HERPUD2: variants seen among roughly 807,000 people sequenced by gnomAD.
HERPUD2 encodes the protein homocysteine-responsive endoplasmic reticulum-resident ubiquitin-like domain member 2 protein.
HERPUD2 carries 13 observed loss-of-function variants against 49.9 expected under a neutral mutation model. The observed-to-expected ratio is 0.26, with a 90% CI of 0.17 to 0.41. The LOEUF (loss-of-function observed/expected upper bound fraction) is 0.41, where lower values mean the gene tolerates loss of function less well. Ranked by LOEUF, HERPUD2 falls within the 10% of genes least tolerant of loss-of-function variation. The pLI is 1.00. For missense variants in HERPUD2, 449 were observed against 492.2 expected (o/e 0.91, Z 0.83); for synonymous variants, 172 against 171.4 (o/e 1.00, Z -0.03).
At chr7:35,653,215 AAAGT>A (rs1450557663) in intron 5 of HERPUD2, among the ~76,000 whole-genome samples, 2 of 152,230 alleles carry the variant, frequency 1.3e-5, no homozygotes, top group African/African-American at 2.4e-5. Context: ...GCACAGACTG[AAAGT>A]AAGGGATGGA....
chr7:35,639,421 A>G (rs1363491799), intron 5 of HERPUD2, among the ~76,000 whole-genome samples: 3 of 152,212 alleles, frequency 2.0e-5, no homozygotes, highest in Non-Finnish European at 4.4e-5. Context: ...GGATCTAATA[A>G]TAGAATCTTC....
At chr7:35,653,373 T>C (rs1251535864) in intron 5 of HERPUD2, among the ~76,000 whole-genome samples, 1 of 152,074 alleles carries the variant, frequency 6.6e-6, no homozygotes, top group Non-Finnish European at 1.5e-5. Flanking sequence ...CAAAAAGATA[T>C]AACAATTCTA....
At chr7:35,684,732 T>C (rs1167988931) in intron 2 of HERPUD2, among the ~76,000 whole-genome samples, 3 of 152,078 alleles carry the variant, frequency 2.0e-5, no homozygotes, top group Admixed American at 6.5e-5. Flanking sequence ...CGATGGACTT[T>C]GGGACTCAGC....
intron 2 of HERPUD2, among the ~76,000 whole-genome samples, chr7:35,681,801 A>G (rs1583567937): frequency 6.6e-6 from 1 of 151,532 alleles, no homozygotes; most frequent in East Asian, 1.9e-4. Context: ...CAGAAAGTAG[A>G]AAAAAAAAGA....
chr7:35,676,361 A>G (rs1785762077), intron 2 of HERPUD2, among the ~76,000 whole-genome samples: 1 of 152,222 alleles, frequency 6.6e-6, no homozygotes, highest in South Asian at 2.1e-4. Context: ...TTTGTATGAC[A>G]AGAGGACTTT....
intron 2 of HERPUD2, among the ~76,000 whole-genome samples, chr7:35,675,185 C>T (rs1268972459): frequency 6.6e-6 from 1 of 152,182 alleles, no homozygotes; most frequent in East Asian, 1.9e-4. Context: ...CTGATGTCCT[C>T]TGGAGAATTA....
chr7:35,682,619 C>T (rs144821485), intron 2 of HERPUD2, among the ~76,000 whole-genome samples: 2,071 of 151,494 alleles, frequency 0.014, 49 homozygotes, highest in African/African-American at 0.046. Context: ...AAGAGGAAGT[C>T]GAACTGTCGC....
intron 2 of HERPUD2, among the ~76,000 whole-genome samples, chr7:35,685,413 T>C (rs537138885): frequency 6.7e-6 from 1 of 148,892 alleles, no homozygotes; most frequent in East Asian, 2.0e-4. Context: ...AACCTCCGCC[T>C]CCCAGGCTTA....
In HERPUD2 at chr7:35,687,896, G is replaced by A. The variant is rs140262593; in HGVS notation, c.147+6288C>T. Among the ~76,000 whole-genome samples, 31 of 152,230 alleles carry A rather than the reference G, an allele frequency of 2.0e-4. No individual in the cohort carries two copies. The East Asian group carries it at 5.8e-3, about 28-fold the overall frequency. The stretch of plus-strand genomic sequence containing the variant: ...ATTTTTTATGTCAAGGATTAAATGG[G>A]TCTTTCAATTATGTATGGCTTAAAA... On this transcript the variant is annotated intron_variant, in intron 2 of 8. Transcript: ENST00000311350.
intron 2 of HERPUD2, among the ~76,000 whole-genome samples, chr7:35,682,395 G>A (rs1400908915): frequency 7.8e-5 from 9 of 114,748 alleles, no homozygotes; most frequent in Non-Finnish European, 1.5e-4. Context: ...ATACTTAATC[G>A]GCATACAAGG....
intron 2 of HERPUD2, among the ~76,000 whole-genome samples, chr7:35,685,789 C>T (rs1350931791): frequency 6.6e-6 from 1 of 151,878 alleles, no homozygotes; most frequent in South Asian, 2.1e-4. Context: ...ACCAGTCTGG[C>T]CAACATGGTG....
intron 5 of HERPUD2, among the ~76,000 whole-genome samples, chr7:35,657,858 C>T (rs1785314529): frequency 1.3e-5 from 2 of 148,914 alleles, no homozygotes; most frequent in African/African-American, 5.0e-5. Flanking sequence ...GGAGGTGGAG[C>T]TTGCAGTGAG....
intron 5 of HERPUD2, among the ~76,000 whole-genome samples, chr7:35,657,645 C>T (rs1305858632): frequency 2.7e-5 from 4 of 146,216 alleles, no homozygotes; most frequent in East Asian, 2.0e-4. Context: ...CGGTGGCTCA[C>T]GAGCCTGTAA....
At chr7:35,658,793 T>C (rs1785345674) in intron 5 of HERPUD2, among the ~76,000 whole-genome samples, 1 of 152,220 alleles carries the variant, frequency 6.6e-6, no homozygotes, top group African/African-American at 2.4e-5. Context: ...AGTCAAGACT[T>C]ACAAATGGAA....
In HERPUD2 at chr7:35,633,723, T is replaced by C. The variant is rs773889392; in HGVS notation, c.1188A>G (p.Leu396=). The C allele has an allele frequency of 8.0e-5, 129 of 1,613,886 alleles. 1 individual carries two copies. In the South Asian group the frequency reaches 1.2e-3, roughly 15 times the overall value. Residue 396 remains leucine, a synonymous_variant, in exon 9 of 9, where the codon CTA becomes CTG. Coordinates refer to ENST00000311350, the MANE Select transcript of HERPUD2 (RefSeq NM_022373.5). ...CAACCTGGGGAGGCCCCTCTGGTAT[T>C]AGTGAAGTAAAGAAGGTGGTGATGA... ...WSFITTFFTS[L]IPEGPPQVAN
intron 5 of HERPUD2, among the ~76,000 whole-genome samples, chr7:35,652,296 TG>T (rs1785183545): frequency 6.6e-6 from 1 of 152,116 alleles, no homozygotes; most frequent in South Asian, 2.1e-4. Flanking sequence ...AAACCTGTAC[TG>T]TTGTCAGTAA....
At chr7:35,667,035 T>C (rs148487578) in intron 5 of HERPUD2, among the ~76,000 whole-genome samples, 3 of 152,280 alleles carry the variant, frequency 2.0e-5, no homozygotes, top group East Asian at 3.9e-4. Context: ...AGTAGATCTA[T>C]AGTGAGACTG....
intron 2 of HERPUD2, among the ~76,000 whole-genome samples, chr7:35,693,354 G>C (rs1005406088): frequency 3.9e-5 from 6 of 152,068 alleles, no homozygotes; most frequent in Non-Finnish European, 5.9e-5. Flanking sequence ...TGGTGAAAAC[G>C]AATCTACAAC....
intron 2 of HERPUD2, among the ~76,000 whole-genome samples, chr7:35,681,184 T>C (rs140328771): frequency 7.2e-5 from 11 of 152,362 alleles, no homozygotes; most frequent in Admixed American, 6.5e-4. Flanking sequence ...ATTTTTTCTT[T>C]AAATTAATAG....
Sources: allele counts gnomAD v4.1 joint callset (sites outside exome capture counted in the v4.1 genomes callset), GRCh38; gene constraint gnomAD v4.1.1; transcripts MANE v1.5; gene names NCBI Gene and HGNC (gene_info 2026-07-23, HGNC 2026-07-21).